KIRREL3: variants seen among roughly 807,000 people sequenced by gnomAD.
KIRREL3 encodes kirre like nephrin family adhesion molecule 3.
In KIRREL3, 36 loss-of-function variants were observed where a neutral mutation model predicts 89.7. That is an observed-to-expected ratio of 0.40 (90% CI 0.31 to 0.53). KIRREL3 has a LOEUF of 0.53. Among genes scored for constraint, KIRREL3 ranks in the 20% least tolerant of loss-of-function variants. KIRREL3 has a pLI of 0.49. For synonymous variants in KIRREL3, 445 were observed against 441.4 expected (o/e 1.01, Z -0.10); for missense variants, 864 against 1,056.6 (o/e 0.82, Z 2.53).
upstream of KIRREL3, among the ~76,000 whole-genome samples, chr11:127,002,585 C>G (rs111237454): frequency 1.0e-3 from 158 of 152,280 alleles, 1 homozygote; most frequent in African/African-American, 3.6e-3. Context: ...TGTATAGCGC[C>G]GTCACCTTAG....
At position 126,489,509 on chromosome 11, in the gene KIRREL3, T is replaced by C. The variant is rs1184509853; in HGVS notation, c.434-16043A>G. Reference sequence around the variant, plus strand: ...CAAAAGCTTCCTGATGGCCCTATTGTTACTCCATCTTGGATTCCTGGGTCA... The same window carrying C: ...CAAAAGCTTCCTGATGGCCCTATTGCTACTCCATCTTGGATTCCTGGGTCA... On this transcript the variant is annotated intron_variant, in intron 4 of 16. Transcript: ENST00000525144. The surrounding 1 kb of genome is among the most constrained non-coding windows in gnomAD (Gnocchi z 5.5). Among the ~76,000 whole-genome samples, 1 of 152,210 alleles carries C rather than the reference T, an allele frequency of 6.6e-6. No homozygotes were observed. The highest frequency in any genetic ancestry group is 1.5e-5 in the Non-Finnish European group (1 of 68,048).
chr11:126,890,084 C>G lies in KIRREL3; in HGVS notation c.55+110371G>C, dbSNP rs1945852469. On this transcript the variant is annotated intron_variant, in intron 1 of 16. Transcript: ENST00000525144. This position sits in a 1 kb window ranked among gnomAD's most constrained non-coding sequence, Gnocchi z 5.1. ...ACTATCTGGTGGAGGATCTTGTGTC[C>G]TTTCATTCTAGGGGGATGGGTCAGT... Among the ~76,000 whole-genome samples, 1 of 152,150 alleles carries G rather than the reference C, an allele frequency of 6.6e-6. No individual in the cohort carries two copies. Among genetic ancestry groups the G allele is most frequent in the South Asian group, 2.1e-4 (1 of 4,828 alleles).
In KIRREL3 at chr11:126,814,338, T is replaced by A. The variant is rs1200275883; in HGVS notation, c.55+186117A>T. 6.6e-6 allele frequency among the ~76,000 whole-genome samples: 1 copy of A among 151,998 alleles called. No individual in the cohort carries two copies. The highest frequency in any genetic ancestry group is 1.5e-5 in the Non-Finnish European group (1 of 67,926). ...TGGGAGTGTAAATTAGTTCAACCAT[T>A]GTGTAAATTAGTTCAACCATTGTGG... is the stretch of plus-strand genomic sequence containing the variant. On this transcript the variant is annotated intron_variant, in intron 1 of 16. Coordinates refer to ENST00000525144, the MANE Select transcript of KIRREL3 (RefSeq NM_032531.4). The surrounding 1 kb of genome is among the most constrained non-coding windows in gnomAD (Gnocchi z 4.4).
At chr11:126,625,131 G>T (rs977668066) in intron 1 of KIRREL3, among the ~76,000 whole-genome samples, 6 of 152,088 alleles carry the variant, frequency 3.9e-5, no homozygotes, top group Admixed American at 3.9e-4. Flanking sequence ...TCTTAACAGC[G>T]TCTACCCTGT....
chr11:126,455,591 A>G lies in KIRREL3; in HGVS notation c.848+758T>C, dbSNP rs1370537615. On this transcript the variant is annotated intron_variant, in intron 7 of 16. Coordinates refer to ENST00000525144, the MANE Select transcript of KIRREL3 (RefSeq NM_032531.4). The surrounding 1 kb of genome is among the most constrained non-coding windows in gnomAD (Gnocchi z 6.4). ...ATCACGAGGTCAGGAGATCGAGACC[A>G]TCCTGGCTAACACGGTGAAACGCTG... Among the ~76,000 whole-genome samples, 2 of 151,670 alleles carry G rather than the reference A, an allele frequency of 1.3e-5. No homozygotes were observed. Among genetic ancestry groups the G allele is most frequent in the East Asian group, 1.9e-4 (1 of 5,148 alleles).
chr11:126,605,607 C>T lies in KIRREL3; in HGVS notation c.56-42695G>A, dbSNP rs139317617. On this transcript the variant is annotated intron_variant, in intron 1 of 16. Transcript: ENST00000525144. The surrounding 1 kb of genome is among the most constrained non-coding windows in gnomAD (Gnocchi z 5.7). The stretch of plus-strand genomic sequence containing the variant: ...CTTCATTTCCCAGAGACAACCGGCG[C>T]GTTTTAATAATGTCTACTTGGGTTA... 0.013 allele frequency among the ~76,000 whole-genome samples: 1,987 copies of T among 152,298 alleles called. 36 individuals carry two copies. The highest frequency in any genetic ancestry group is 0.045 in the African/African-American group (1,852 of 41,538).
rs1439585410 is a variant in KIRREL3 at position 126,522,338 on chromosome 11, C to T, written c.284-874G>A. Among the ~76,000 whole-genome samples, 2 of 152,144 alleles carry T rather than the reference C, an allele frequency of 1.3e-5. No homozygotes were observed. The highest frequency in any genetic ancestry group is 4.1e-4 in the South Asian group (2 of 4,828). Reference sequence around the variant, plus strand: ...ATGTTTGGAAAAGGATCAAGAGTGACTTTGCAAAAATTTTGTTTCAGGATG... The same window carrying T: ...ATGTTTGGAAAAGGATCAAGAGTGATTTTGCAAAAATTTTGTTTCAGGATG... On this transcript the variant is annotated intron_variant, in intron 3 of 16. Transcript: ENST00000525144. This position sits in a 1 kb window ranked among gnomAD's most constrained non-coding sequence, Gnocchi z 6.0.
rs1328955306 is a variant in KIRREL3, at chr11:126,991,280, T to C, written c.55+9175A>G. 2.6e-5 allele frequency among the ~76,000 whole-genome samples: 4 copies of C among 152,072 alleles called. No individual in the cohort carries two copies. The highest frequency in any genetic ancestry group is 9.7e-5 in the African/African-American group (4 of 41,398). On this transcript the variant is annotated intron_variant, in intron 1 of 16. Coordinates refer to ENST00000525144, the MANE Select transcript of KIRREL3 (RefSeq NM_032531.4). The surrounding 1 kb of genome is among the most constrained non-coding windows in gnomAD (Gnocchi z 5.8). ...TCCTGCCAGGGGCCCTCTCAGCATC[T>C]CTCCATGTGCTGATATTACAAGCAC...
At chr11:126,758,172 T>C (rs1436983760) in intron 1 of KIRREL3, among the ~76,000 whole-genome samples, 1 of 152,234 alleles carries the variant, frequency 6.6e-6, no homozygotes, top group East Asian at 1.9e-4. Flanking sequence ...CTAAATGACT[T>C]TTCGATAAAG....
rs1391754048 is a variant in KIRREL3, at chr11:126,459,723, C to T, written c.743-3269G>A. ...TAGTGTTTCCATCCGCCCGTGTGTG[C>T]GTGTGTCCATGTGTGTGTGTTTTCA... On this transcript the variant is annotated intron_variant, in intron 6 of 16. Transcript: ENST00000525144. The surrounding 1 kb of genome is among the most constrained non-coding windows in gnomAD (Gnocchi z 4.8). Among the ~76,000 whole-genome samples, 1 of 152,012 alleles carries T rather than the reference C, an allele frequency of 6.6e-6. No homozygotes were observed. Among genetic ancestry groups the T allele is most frequent in the African/African-American group, 2.4e-5 (1 of 41,384 alleles).
At chr11:126,456,497 G>A (rs1363677379) in intron 6 of KIRREL3, 43 bp from the exon 7 acceptor site, 2 of 1,304,960 alleles carry the variant, frequency 1.5e-6, no homozygotes, top group Non-Finnish European at 2.1e-6. Context: ...AGAAAGAATG[G>A]GGGCAGGGAG....
At chr11:126,770,684 C>T (rs1463967126) in intron 1 of KIRREL3, among the ~76,000 whole-genome samples, 3 of 152,136 alleles carry the variant, frequency 2.0e-5, no homozygotes, top group Non-Finnish European at 4.4e-5. Flanking sequence ...GACCCTCAGA[C>T]CTCATCCTCA....
chr11:126,449,182 G>A (rs759526113), intron 7 of KIRREL3, 25 bp from the exon 8 acceptor site: 68 of 1,611,446 alleles, frequency 4.2e-5, no homozygotes, highest in Non-Finnish European at 5.4e-5. Context: ...AGGGGCTGAT[G>A]TGGGCCTTGA....
At chr11:126,435,909 C>G (rs1955309375) in intron 12 of KIRREL3, among the ~76,000 whole-genome samples, 1 of 152,142 alleles carries the variant, frequency 6.6e-6, no homozygotes, top group Non-Finnish European at 1.5e-5. Context: ...CCCAGCTGAG[C>G]ACGAATCCCT....
At chr11:126,767,566 C>A (rs1232079941) in intron 1 of KIRREL3, among the ~76,000 whole-genome samples, 1 of 152,188 alleles carries the variant, frequency 6.6e-6, no homozygotes. Flanking sequence ...TAACGACATA[C>A]ACTGTATAGA....
chr11:126,968,110 T>C (rs1054849665), intron 1 of KIRREL3, among the ~76,000 whole-genome samples: 1 of 152,246 alleles, frequency 6.6e-6, no homozygotes, highest in Non-Finnish European at 1.5e-5. Context: ...TGTAGAGTTG[T>C]TGGATTTTGT....
rs541025183 is a variant in KIRREL3, at chr11:126,501,426, C to T, written c.433+19889G>A. On this transcript the variant is annotated intron_variant, in intron 4 of 16. Coordinates refer to ENST00000525144, the MANE Select transcript of KIRREL3 (RefSeq NM_032531.4). The surrounding 1 kb of genome is among the most constrained non-coding windows in gnomAD (Gnocchi z 5.8). ...AGACTAAGGAGGCTCCTCTGGGGAG[C>T]GAGGGTGCCCAGGTGGGGAAGGCAG... is the stretch of plus-strand genomic sequence containing the variant. Among the ~76,000 whole-genome samples, 9 of 152,264 alleles carry T rather than the reference C, an allele frequency of 5.9e-5. No individual in the cohort carries two copies. The highest frequency in any genetic ancestry group is 5.8e-4 in the East Asian group (3 of 5,186).
intron 1 of KIRREL3, among the ~76,000 whole-genome samples, chr11:126,674,623 G>A (rs1490455447): frequency 6.6e-6 from 1 of 152,286 alleles, no homozygotes; most frequent in African/African-American, 2.4e-5. Flanking sequence ...ACTGCTTGGG[G>A]ACCTACAAAA....
At chr11:126,671,193 T>C (rs1336520092) in intron 1 of KIRREL3, among the ~76,000 whole-genome samples, 1 of 150,864 alleles carries the variant, frequency 6.6e-6, no homozygotes, top group Non-Finnish European at 1.5e-5. Flanking sequence ...AAGAAAACAC[T>C]GGAGAAAATC....
Sources: gnomAD v4.1 joint callset for allele counts (sites outside exome capture counted in the v4.1 genomes callset) on GRCh38, gnomAD v4.1.1 for gene constraint, Gnocchi (gnomAD v3.1) non-coding constraint, MANE v1.5 for transcripts, NCBI Gene and HGNC (gene_info 2026-07-23, HGNC 2026-07-21) for gene names.